Variants in B3GALT1 observed in about 807,000 individuals in gnomAD.
The protein encoded by B3GALT1 is UDP-Gal:betaGlcNAc beta 1,3-galactosyltransferase, polypeptide 1.
Under a neutral mutation model 23.2 loss-of-function variants are expected in B3GALT1, and 10 were observed. That is an observed-to-expected ratio of 0.43 (90% CI 0.27 to 0.73). B3GALT1 has a LOEUF of 0.73. Ranked by LOEUF, B3GALT1 falls within the 30% of genes least tolerant of loss-of-function variation. The probability of loss-of-function intolerance (pLI) is 0.21; values close to 1 mark genes in which losing one functional copy is unlikely to be tolerated. For synonymous variants in B3GALT1, 156 were observed against 141.5 expected (o/e 1.10, Z -0.73); for missense variants, 299 against 405.4 (o/e 0.74, Z 2.25).
chr2:167,668,719 C>A (rs9287885), intron 3 of B3GALT1, among the ~76,000 whole-genome samples: 58,777 of 151,980 alleles, frequency 0.39, 12,521 homozygotes, highest in Middle Eastern at 0.55. Flanking sequence ...TTCCAGGTGC[C>A]GTCTGTCACC....
chr2:167,454,327 G>A (rs894746926), intron 1 of B3GALT1, among the ~76,000 whole-genome samples: 1 of 152,196 alleles, frequency 6.6e-6, no homozygotes, highest in Admixed American at 6.5e-5. Context: ...GGACTGACCT[G>A]GAGAAGCCAT....
chr2:167,454,661 G>C (rs138918217), intron 1 of B3GALT1, among the ~76,000 whole-genome samples: 10 of 152,178 alleles, frequency 6.6e-5, no homozygotes, highest in African/African-American at 2.4e-4. Flanking sequence ...GGAAAGTAAT[G>C]TTAGAAATAA....
rs115118937 is a variant in B3GALT1 at position 167,712,605 on chromosome 2, C to T, written c.-352+65639C>T. ...TTTTTCCTTTTTAAATCTGAAGGTG[C>T]CTTGCTCACTAACCCTGTTGGATTA... On this transcript the variant is annotated intron_variant, in intron 3 of 4. Coordinates refer to ENST00000392690, the MANE Select transcript of B3GALT1 (RefSeq NM_020981.4). 6.7e-3 allele frequency among the ~76,000 whole-genome samples: 1,018 copies of T among 152,048 alleles called. 14 individuals carry two copies. The highest frequency in any genetic ancestry group is 0.023 in the African/African-American group (963 of 41,462).
intron 2 of B3GALT1, among the ~76,000 whole-genome samples, chr2:167,501,116 G>A (rs1382341804): frequency 6.6e-6 from 1 of 151,984 alleles, no homozygotes; most frequent in African/African-American, 2.4e-5. Context: ...TAATAAAAAT[G>A]ACTATTCTTT....
intron 1 of B3GALT1, among the ~76,000 whole-genome samples, chr2:167,354,652 TTA>T (rs1697373515): frequency 6.6e-6 from 1 of 152,016 alleles, no homozygotes. Context: ...GCCAAATCTC[TTA>T]TGTCTGTTTT....
chr2:167,714,994 A>C (rs1687121223), intron 3 of B3GALT1: 2 of 1,611,632 alleles, frequency 1.2e-6, no homozygotes, highest in Non-Finnish European at 1.7e-6. Flanking sequence ...GTTGAGTCTG[A>C]AGATTTTTAA....
At chr2:167,463,359 G>A in intron 1 of B3GALT1, among the ~76,000 whole-genome samples, 1 of 151,932 alleles carries the variant, frequency 6.6e-6, no homozygotes, top group Non-Finnish European at 1.5e-5. Flanking sequence ...AGTCTATACG[G>A]TCATCTCCTC....
chr2:167,426,588 G>T (rs772050502), intron 1 of B3GALT1, among the ~76,000 whole-genome samples: 1 of 152,128 alleles, frequency 6.6e-6, no homozygotes, highest in Non-Finnish European at 1.5e-5. Flanking sequence ...CAGTGAAGAA[G>T]TGTCTGTTGT....
At chr2:167,538,983 G>A (rs1462148979) in intron 2 of B3GALT1, among the ~76,000 whole-genome samples, 2 of 152,052 alleles carry the variant, frequency 1.3e-5, no homozygotes, top group Non-Finnish European at 2.9e-5. Flanking sequence ...TTATTGCCTT[G>A]TTACTTGTAT....
intron 2 of B3GALT1, among the ~76,000 whole-genome samples, chr2:167,544,399 A>G (rs1683590794): frequency 6.6e-6 from 1 of 151,966 alleles, no homozygotes; most frequent in Non-Finnish European, 1.5e-5. Context: ...GGTTCAAGCA[A>G]TTCTCCCACC....
chr2:167,301,575 G>A (rs1197300864), intron 1 of B3GALT1, among the ~76,000 whole-genome samples: 1 of 152,106 alleles, frequency 6.6e-6, no homozygotes, highest in Admixed American at 6.6e-5. Flanking sequence ...TATTGAGATG[G>A]AGTCTTGTTC....
intron 1 of B3GALT1, among the ~76,000 whole-genome samples, chr2:167,340,377 C>G (rs147805369): frequency 1.0e-3 from 152 of 148,632 alleles, no homozygotes; most frequent in African/African-American, 3.5e-3. Flanking sequence ...GTGACAAAAT[C>G]TGAAACTTGA....
chr2:167,468,798 G>A (rs1419284281), intron 1 of B3GALT1, among the ~76,000 whole-genome samples: 1 of 152,136 alleles, frequency 6.6e-6, no homozygotes, highest in African/African-American at 2.4e-5. Flanking sequence ...TTGAACCTGG[G>A]AGGCGGAGGT....
intron 2 of B3GALT1, among the ~76,000 whole-genome samples, chr2:167,565,678 CA>C (rs1684147545): frequency 1.3e-5 from 2 of 152,166 alleles, no homozygotes; most frequent in African/African-American, 2.4e-5. Flanking sequence ...ACAACCCCAT[CA>C]AAAAGTGGGC....
At chr2:167,402,818 A>C (rs1352710022) in intron 1 of B3GALT1, among the ~76,000 whole-genome samples, 1 of 152,150 alleles carries the variant, frequency 6.6e-6, no homozygotes. Context: ...TGAGTTAGTC[A>C]TGTTTCCATG....
At chr2:167,311,660 T>C (rs1231225867) in intron 1 of B3GALT1, among the ~76,000 whole-genome samples, 4 of 151,008 alleles carry the variant, frequency 2.6e-5, no homozygotes, top group Non-Finnish European at 5.9e-5. Flanking sequence ...CATAACATAC[T>C]TGAAAAAGAA....
At chr2:167,761,369 T>G (rs1192596121) in intron 3 of B3GALT1, among the ~76,000 whole-genome samples, 1 of 152,190 alleles carries the variant, frequency 6.6e-6, no homozygotes, top group Non-Finnish European at 1.5e-5. Flanking sequence ...TTTATAAAAG[T>G]TAGAAATAAA....
At chr2:167,561,254 C>T (rs1298403360) in intron 2 of B3GALT1, among the ~76,000 whole-genome samples, 1 of 152,002 alleles carries the variant, frequency 6.6e-6, no homozygotes, top group Non-Finnish European at 1.5e-5. Context: ...CTTTATGTAC[C>T]AACAAGAACA....
At chr2:167,758,113 C>T (rs1373664775) in intron 3 of B3GALT1, among the ~76,000 whole-genome samples, 1 of 152,068 alleles carries the variant, frequency 6.6e-6, no homozygotes, top group African/African-American at 2.4e-5. Flanking sequence ...TTAGGCTTCC[C>T]GGATTCCACC....
Sources: allele counts gnomAD v4.1 joint callset (sites outside exome capture counted in the v4.1 genomes callset), GRCh38; gene constraint gnomAD v4.1.1; transcripts MANE v1.5; gene names NCBI Gene and HGNC (gene_info 2026-07-23, HGNC 2026-07-21).